The following ADGRG7 variants were observed in gnomAD, a reference collection of about 807,000 sequenced individuals.
The protein encoded by ADGRG7 is adhesion G protein-coupled receptor G7.
In ADGRG7, 82 loss-of-function variants were observed where a neutral mutation model predicts 88.6. That is an observed-to-expected ratio of 0.93 (90% CI 0.77 to 1.11). ADGRG7 has a LOEUF of 1.11. Among genes scored for constraint, ADGRG7 ranks in the 50% most tolerant of loss-of-function variants. The pLI, the probability that ADGRG7 is intolerant of heterozygous loss-of-function variation, is 0.00. For synonymous variants in ADGRG7, 381 were observed against 345.2 expected (o/e 1.10, Z -1.15); for missense variants, 945 against 953.4 (o/e 0.99, Z 0.12).
chr3:100,673,982 TG>T (rs2149037074), intron 15 of ADGRG7, among the ~76,000 whole-genome samples: 1 of 152,346 alleles, frequency 6.6e-6, no homozygotes, highest in African/African-American at 2.4e-5. Context: ...GATGTTACAG[TG>T]TCAATCTTAG....
chr3:100,615,634 A>G (rs1485311631), intron 1 of ADGRG7, among the ~76,000 whole-genome samples: 4 of 152,244 alleles, frequency 2.6e-5, no homozygotes, highest in Non-Finnish European at 4.4e-5. Context: ...CTTGACTTAC[A>G]GCAAAAAGAC....
intron 9 of ADGRG7, 115 bp from the exon 10 acceptor site, chr3:100,646,454 G>A (rs1219452529): frequency 3.9e-6 from 3 of 771,342 alleles, no homozygotes; most frequent in Non-Finnish European, 6.2e-6. Context: ...TGAATATGCT[G>A]ATGCTTAGTA....
intron 1 of ADGRG7, among the ~76,000 whole-genome samples, chr3:100,613,364 T>G (rs1177159903): frequency 6.6e-6 from 1 of 152,140 alleles, no homozygotes; most frequent in Admixed American, 6.5e-5. Flanking sequence ...CTGGAGTATA[T>G]TTGCATTTGG....
chr3:100,650,859 G>C (rs192205735), intron 11 of ADGRG7, among the ~76,000 whole-genome samples: 3 of 152,244 alleles, frequency 2.0e-5, no homozygotes, highest in Admixed American at 2.0e-4. Flanking sequence ...TTGAAAAATG[G>C]TGATTTTTCT....
chr3:100,625,327 C>G (rs2149015096), intron 1 of ADGRG7, among the ~76,000 whole-genome samples: 1 of 152,256 alleles, frequency 6.6e-6, no homozygotes, highest in East Asian at 1.9e-4. Context: ...CATAATTTGG[C>G]TCCCTGCTTG....
chr3:100,618,036 A>G lies in ADGRG7; in HGVS notation c.115+8065A>G, dbSNP rs535309801. The stretch of plus-strand genomic sequence containing the variant: ...CTTCTGTCGAGAAGTGTCTGTTCAT[A>G]TCCTTCGCTCGCTTTTTGATGGGGT... On this transcript the variant is annotated intron_variant, in intron 1 of 15. Transcript: ENST00000273352. Among the ~76,000 whole-genome samples, 10 of 152,226 alleles carry G rather than the reference A, an allele frequency of 6.6e-5. No individual in the cohort carries two copies. In the East Asian group the frequency reaches 1.9e-3, roughly 29 times the overall value.
intron 1 of ADGRG7, among the ~76,000 whole-genome samples, chr3:100,618,045 T>C (rs6441367): frequency 0.91 from 139,044 of 152,162 alleles, 64,908 homozygotes; most frequent in East Asian, 1. Flanking sequence ...TATCCTTCGC[T>C]CGCTTTTTGA....
chr3:100,644,010 T>A (rs1707693579), intron 8 of ADGRG7, among the ~76,000 whole-genome samples: 1 of 152,204 alleles, frequency 6.6e-6, no homozygotes. Flanking sequence ...CAGGCTCAGA[T>A]GCATCCTGCA....
At chr3:100,675,788 G>C (rs113063361) in intron 15 of ADGRG7, among the ~76,000 whole-genome samples, 3,961 of 152,160 alleles carry the variant, frequency 0.026, 184 homozygotes, top group African/African-American at 0.091. Context: ...CTCATTACTT[G>C]TTACTGGTCT....
intron 13 of ADGRG7, among the ~76,000 whole-genome samples, chr3:100,659,164 G>A (rs555171346): frequency 6.6e-6 from 1 of 152,208 alleles, no homozygotes; most frequent in East Asian, 1.9e-4. Context: ...TGGGTGCAGT[G>A]GCTCATGCCT....
chr3:100,618,597 C>T, intron 1 of ADGRG7, among the ~76,000 whole-genome samples: 1 of 152,094 alleles, frequency 6.6e-6, no homozygotes, highest in Non-Finnish European at 1.5e-5. Context: ...GGTACCAGTA[C>T]CATGCTGTTT....
At chr3:100,646,447 A>G in intron 9 of ADGRG7, 122 bp from the exon 10 acceptor site, 1 of 751,178 alleles carries the variant, frequency 1.3e-6, no homozygotes, top group South Asian at 2.1e-5. Context: ...ATCATAATGA[A>G]TATGCTGATG....
chr3:100,649,708 A>C lies in ADGRG7; in HGVS notation c.1280A>C (p.Asp427Ala). ...NFAVLMTFKK[D>A]YQYPKSLDIL... is the part of the protein sequence containing the mutation. ...CTTGTTTTTCAGACTTTCAAAAAGG[A>C]TTATCAATATCCCAAATCACTTGAC... is the stretch of plus-strand genomic sequence containing the variant. The change falls in exon 11 of 16, where the codon GAT (aspartate) becomes GCT (alanine). Residue 427 changes from aspartate to alanine, a missense_variant. Asp to Ala is a moderately radical substitution (Grantham distance 126). Coordinates refer to ENST00000273352, the MANE Select transcript of ADGRG7 (RefSeq NM_032787.3). 6.3e-7 allele frequency: 1 copy of C among 1,593,600 alleles called. No homozygotes were observed. Among genetic ancestry groups the C allele is most frequent in the East Asian group, 2.2e-5 (1 of 44,746 alleles).
At chr3:100,673,449 C>A (rs1312477724) in intron 15 of ADGRG7, among the ~76,000 whole-genome samples, 2 of 147,122 alleles carry the variant, frequency 1.4e-5, no homozygotes, top group Admixed American at 1.4e-4. Flanking sequence ...CTGTTTGATT[C>A]TTCTCTCTTT....
intron 15 of ADGRG7, among the ~76,000 whole-genome samples, chr3:100,688,622 A>G (rs1050358372): frequency 2.0e-5 from 3 of 152,238 alleles, no homozygotes; most frequent in African/African-American, 7.2e-5. Context: ...TTCTGCCTTC[A>G]TTTCATTATG....
At chr3:100,657,120 T>A (rs2094938713) in intron 13 of ADGRG7, among the ~76,000 whole-genome samples, 1 of 152,156 alleles carries the variant, frequency 6.6e-6, no homozygotes, top group African/African-American at 2.4e-5. Flanking sequence ...GGCAGCTCCT[T>A]TCCTGATTAC....
intron 14 of ADGRG7, among the ~76,000 whole-genome samples, chr3:100,668,641 T>C (rs1284589812): frequency 6.6e-6 from 1 of 152,222 alleles, no homozygotes; most frequent in Non-Finnish European, 1.5e-5. Flanking sequence ...TGTAGTAATA[T>C]TCACAAAATG....
rs572108533 is a variant in ADGRG7 at position 100,640,351 on chromosome 3, G to A, written c.699-2915G>A. Among the ~76,000 whole-genome samples, 4 of 152,216 alleles carry A rather than the reference G, an allele frequency of 2.6e-5. No individual in the cohort carries two copies. In the South Asian group the frequency reaches 6.2e-4, roughly 24 times the overall value. On this transcript the variant is annotated intron_variant, in intron 6 of 15. Transcript: ENST00000273352. ...CTTGGTATCTCTCAGCTACTGAATT[G>A]CCTTTCTATAGTATAGGGAGAAGAG... is the stretch of plus-strand genomic sequence containing the variant.
chr3:100,617,465 C>T lies in ADGRG7; in HGVS notation c.115+7494C>T, dbSNP rs181908097. 6.0e-5 allele frequency among the ~76,000 whole-genome samples: 9 copies of T among 150,634 alleles called. No homozygotes were observed. The South Asian group carries it at 6.3e-4, about 11-fold the overall frequency. Reference sequence around the variant, plus strand: ...ATTCCCACCTATGAGTGAGAACATGCGGTGCTTGGTTTTTTGTCCTTGCGA... The same window carrying T: ...ATTCCCACCTATGAGTGAGAACATGTGGTGCTTGGTTTTTTGTCCTTGCGA... On this transcript the variant is annotated intron_variant, in intron 1 of 15. Transcript: ENST00000273352.
Sources: gnomAD v4.1 joint callset for allele counts (sites outside exome capture counted in the v4.1 genomes callset) on GRCh38, gnomAD v4.1.1 for gene constraint, MANE v1.5 for transcripts, NCBI Gene and HGNC (gene_info 2026-07-23, HGNC 2026-07-21) for gene names.